Variants in WWOX observed in about 807,000 individuals in gnomAD.
WWOX encodes the protein WW domain-containing oxidoreductase.
A neutral mutation model predicts 46.2 loss-of-function variants in WWOX; 69 were observed. The observed-to-expected ratio is 1.49, with a 90% CI of 1.23 to 1.82. The LOEUF (loss-of-function observed/expected upper bound fraction) is 1.82. Among genes scored for constraint, WWOX ranks in the 40% most tolerant of loss-of-function variants. WWOX has a pLI of 0.00. For missense variants in WWOX, 919 were observed against 542.6 expected (o/e 1.69, Z -6.89); for synonymous variants, 359 against 202.6 (o/e 1.77, Z -6.56).
At chr16:78,956,986 A>C (rs79914828) in intron 8 of WWOX, among the ~76,000 whole-genome samples, 1,788 of 152,244 alleles carry the variant, frequency 0.012, 30 homozygotes, top group African/African-American at 0.04. Flanking sequence ...GGTGAGAACA[A>C]ATTTCCTGGC....
intron 8 of WWOX, among the ~76,000 whole-genome samples, chr16:78,775,866 G>T (rs1029399015): frequency 1.3e-5 from 2 of 152,180 alleles, no homozygotes; most frequent in African/African-American, 4.8e-5. Flanking sequence ...CTTATTGGAT[G>T]TTGGTAAACA....
chr16:78,216,978 C>G (rs1205845436), intron 5 of WWOX, among the ~76,000 whole-genome samples: 1 of 152,168 alleles, frequency 6.6e-6, no homozygotes, highest in Non-Finnish European at 1.5e-5. Context: ...CTGCCTTGGC[C>G]TCCTAAACTG....
At chr16:78,959,532 C>G (rs992662434) in intron 8 of WWOX, among the ~76,000 whole-genome samples, 9 of 152,190 alleles carry the variant, frequency 5.9e-5, no homozygotes, top group Non-Finnish European at 1.2e-4. Flanking sequence ...TCCACCTGTT[C>G]ATCCATTCAT....
chr16:78,865,838 C>G (rs1195504968), intron 8 of WWOX, among the ~76,000 whole-genome samples: 1 of 152,156 alleles, frequency 6.6e-6, no homozygotes, highest in Non-Finnish European at 1.5e-5. Flanking sequence ...CAGATTGCAC[C>G]ACCGCACTCC....
chr16:79,117,575 G>C lies in WWOX; in HGVS notation c.1057-94033G>C, dbSNP rs567507587. Among the ~76,000 whole-genome samples, 6 of 152,200 alleles carry C rather than the reference G, an allele frequency of 3.9e-5. No homozygotes were observed. The South Asian group carries it at 1.2e-3, about 31-fold the overall frequency. ...CTTCGCAGCTTTGAAGCCAGGCATT[G>C]CCTTCTCCTCCCTAGCTCTCAAAGT... On this transcript the variant is annotated intron_variant, in intron 8 of 8. Transcript: ENST00000566780.
chr16:79,192,427 G>C (rs2051155408), intron 8 of WWOX, among the ~76,000 whole-genome samples: 1 of 152,166 alleles, frequency 6.6e-6, no homozygotes, highest in Admixed American at 6.5e-5. Context: ...GGAGATGTGT[G>C]TGAACAAAAT....
At chr16:78,900,930 T>C (rs2044816348) in intron 8 of WWOX, among the ~76,000 whole-genome samples, 1 of 152,176 alleles carries the variant, frequency 6.6e-6, no homozygotes, top group South Asian at 2.1e-4. Flanking sequence ...TTTAATGTTC[T>C]ATTCCCAAGA....
rs949743464 is a variant in WWOX, at chr16:78,344,037, C to A, written c.517-42823C>A. Among the ~76,000 whole-genome samples, 8 of 118,108 alleles carry A rather than the reference C, an allele frequency of 6.8e-5. 3 individuals are homozygous for A. Among genetic ancestry groups the A allele is most frequent in the Non-Finnish European group, 1.6e-4 (8 of 49,724 alleles). 77.5% of individuals were successfully genotyped at this position (118,108 alleles called of 152,430 possible). ...CCCACATCACCCCACATTTTTTTTT[C>A]TTTCTCCTCACCATCAAGAAATGTT... On this transcript the variant is annotated intron_variant, in intron 5 of 8. Transcript: ENST00000566780.
chr16:78,561,325 C>T (rs1047751800), intron 8 of WWOX, among the ~76,000 whole-genome samples: 1 of 152,128 alleles, frequency 6.6e-6, no homozygotes, highest in Non-Finnish European at 1.5e-5. Flanking sequence ...CTCTCTCATG[C>T]ATGTAGTTCC....
At chr16:78,497,685 G>C (rs746254207) in intron 8 of WWOX, among the ~76,000 whole-genome samples, 3 of 152,126 alleles carry the variant, frequency 2.0e-5, no homozygotes, top group Admixed American at 2.0e-4. Flanking sequence ...TGTTTGATTA[G>C]GTCTAATCAC....
chr16:78,472,795 G>A (rs2084255584), intron 8 of WWOX, among the ~76,000 whole-genome samples: 1 of 118,006 alleles, frequency 8.5e-6, no homozygotes, highest in Non-Finnish European at 1.7e-5. Context: ...GGCGACAAGA[G>A]TGAAACTCCA....
intron 8 of WWOX, among the ~76,000 whole-genome samples, chr16:78,466,915 C>G (rs2084092774): frequency 6.6e-6 from 1 of 150,442 alleles, no homozygotes; most frequent in Non-Finnish European, 1.5e-5. Context: ...GTAGCATGGG[C>G]AGGAAATAAT....
intron 8 of WWOX, among the ~76,000 whole-genome samples, chr16:78,713,837 C>T (rs368593263): frequency 8.5e-5 from 13 of 152,072 alleles, no homozygotes; most frequent in African/African-American, 3.1e-4. Flanking sequence ...CAGTCCCATT[C>T]TCTGGGGAAA....
chr16:78,716,677 C>G (rs889001028), intron 8 of WWOX, among the ~76,000 whole-genome samples: 1 of 151,940 alleles, frequency 6.6e-6, no homozygotes, highest in African/African-American at 2.4e-5. Context: ...TGACATCACA[C>G]CCAAGGAGAA....
intron 8 of WWOX, among the ~76,000 whole-genome samples, chr16:79,184,500 C>G (rs1240604523): frequency 2.0e-5 from 3 of 152,148 alleles, no homozygotes; most frequent in African/African-American, 7.2e-5. Context: ...AAGCACAAGA[C>G]AAACTCTTGT....
chr16:78,904,051 G>A (rs1250168723), intron 8 of WWOX, among the ~76,000 whole-genome samples: 2 of 152,082 alleles, frequency 1.3e-5, no homozygotes, highest in African/African-American at 2.4e-5. Context: ...TAACGTGTCT[G>A]AAATTAGGGA....
At chr16:79,086,386 C>T (rs578198054) in intron 8 of WWOX, among the ~76,000 whole-genome samples, 2 of 152,288 alleles carry the variant, frequency 1.3e-5, no homozygotes, top group East Asian at 1.9e-4. Flanking sequence ...GATGAGAAAG[C>T]GTGTCTTCTG....
At chr16:78,910,909 T>A (rs2045093119) in intron 8 of WWOX, among the ~76,000 whole-genome samples, 1 of 152,106 alleles carries the variant, frequency 6.6e-6, no homozygotes, top group South Asian at 2.1e-4. Flanking sequence ...TGCAAAGTTA[T>A]GCATATGTTG....
chr16:79,205,644 G>A (rs1016351187), intron 8 of WWOX: 3 of 152,152 alleles, frequency 2.0e-5, no homozygotes, highest in African/African-American at 7.2e-5. Flanking sequence ...GTTAAGAATA[G>A]CCTGTGAGTT....
Sources: allele counts gnomAD v4.1 joint callset (sites outside exome capture counted in the v4.1 genomes callset), GRCh38; gene constraint gnomAD v4.1.1; transcripts MANE v1.5; gene names NCBI Gene and HGNC (gene_info 2026-07-23, HGNC 2026-07-21).